Variants in SOX5 observed in about 807,000 individuals in gnomAD.
The protein encoded by SOX5 is SRY-box transcription factor 5, also known as transcription factor SOX-5.
Under a neutral mutation model 92.0 loss-of-function variants are expected in SOX5, and 9 were observed. The ratio of observed to expected loss-of-function variants is 0.10; its 90% CI spans 0.06 to 0.17. The LOEUF (loss-of-function observed/expected upper bound fraction) is 0.17, where lower values mean the gene tolerates loss of function less well. Ranked by LOEUF, SOX5 falls within the 10% of genes least tolerant of loss-of-function variation. SOX5 has a pLI of 1.00. For missense variants in SOX5, 642 were observed against 944.5 expected (o/e 0.68, Z 4.20); for synonymous variants, 344 against 336.3 (o/e 1.02, Z -0.25).
At chr12:23,687,744 G>C (rs1292277692) in intron 6 of SOX5, among the ~76,000 whole-genome samples, 1 of 151,814 alleles carries the variant, frequency 6.6e-6, no homozygotes, top group East Asian at 1.9e-4. Flanking sequence ...TGAATAATGA[G>C]CTCAATCTAT....
intron 6 of SOX5, among the ~76,000 whole-genome samples, chr12:23,691,731 T>C (rs1311354159): frequency 6.6e-6 from 1 of 152,200 alleles, no homozygotes; most frequent in Non-Finnish European, 1.5e-5. Flanking sequence ...TTATTCTTTG[T>C]ATTATGTGTG....
At chr12:24,115,980 A>G (rs1416985478) in intron 4 of SOX5, among the ~76,000 whole-genome samples, 1 of 152,200 alleles carries the variant, frequency 6.6e-6, no homozygotes, top group Non-Finnish European at 1.5e-5. Flanking sequence ...AGAATAGAAC[A>G]TGAAGAGACA....
intron 5 of SOX5, among the ~76,000 whole-genome samples, chr12:23,737,687 C>G (rs1477986898): frequency 5.3e-5 from 8 of 152,148 alleles, no homozygotes; most frequent in Non-Finnish European, 1.2e-4. Context: ...CATCTCATCC[C>G]CTATCACCTC....
chr12:23,568,250 T>G (rs10842182), intron 10 of SOX5, among the ~76,000 whole-genome samples: 143,578 of 152,206 alleles, frequency 0.94, 68,288 homozygotes, highest in East Asian at 1. Context: ...TCAGCAGTAT[T>G]GAGGCATGGA....
At chr12:23,769,102 T>C (rs1480595302) in intron 3 of SOX5, among the ~76,000 whole-genome samples, 1 of 152,010 alleles carries the variant, frequency 6.6e-6, no homozygotes, top group Non-Finnish European at 1.5e-5. Flanking sequence ...TTTTCTCTCT[T>C]GTTTTTTCCT....
intron 4 of SOX5, among the ~76,000 whole-genome samples, chr12:24,124,885 G>A (rs1046237342): frequency 2.0e-5 from 3 of 152,120 alleles, no homozygotes; most frequent in African/African-American, 4.8e-5. Context: ...AGATACATTC[G>A]TGTGTAAAAC....
At chr12:24,321,729 G>A (rs981129449) in intron 2 of SOX5, among the ~76,000 whole-genome samples, 4 of 152,126 alleles carry the variant, frequency 2.6e-5, no homozygotes, top group Non-Finnish European at 5.9e-5. Flanking sequence ...GCATTTTTAG[G>A]ATTACTATAA....
intron 9 of SOX5, among the ~76,000 whole-genome samples, chr12:23,593,878 G>A (rs1157041013): frequency 6.6e-6 from 1 of 151,762 alleles, no homozygotes; most frequent in Non-Finnish European, 1.5e-5. Context: ...GAGAGAGAGA[G>A]GGAAGTGGGA....
intron 6 of SOX5, among the ~76,000 whole-genome samples, chr12:23,703,413 GAAACATTC>G (rs1329851610): frequency 6.6e-6 from 1 of 151,892 alleles, no homozygotes; most frequent in East Asian, 1.9e-4. Flanking sequence ...TACTTTCTTG[GAAACATTC>G]AAACAGGCAG....
intron 4 of SOX5, among the ~76,000 whole-genome samples, chr12:24,037,740 T>C (rs75044343): frequency 0.023 from 3,521 of 152,304 alleles, 139 homozygotes; most frequent in African/African-American, 0.081. Flanking sequence ...CTCATACACA[T>C]CTACAAATAC....
At chr12:23,979,244 G>A (rs28479007) in intron 4 of SOX5, among the ~76,000 whole-genome samples, 2,293 of 152,128 alleles carry the variant, frequency 0.015, 57 homozygotes, top group African/African-American at 0.053. Flanking sequence ...TTGTCTTTGA[G>A]ACAGAGTCTT....
At chr12:24,529,816 G>A (rs796571641) in intron 1 of SOX5, among the ~76,000 whole-genome samples, 3 of 152,226 alleles carry the variant, frequency 2.0e-5, no homozygotes, top group African/African-American at 4.8e-5. Context: ...TCAGGAGATC[G>A]AGATCATCCT....
rs558403717 is a variant in SOX5, at chr12:24,391,862, G to A, written c.-250-23223C>T. 2.6e-5 allele frequency among the ~76,000 whole-genome samples: 4 copies of A among 152,144 alleles called. No individual in the cohort carries two copies. The East Asian group carries it at 7.7e-4, about 29-fold the overall frequency. ...ACGTTTCCTTCATTTTAAATTCAGG[G>A]TAACATTTACTCAACTTGAGTCTCT... On this transcript the variant is annotated intron_variant, in intron 1 of 4. Transcript: ENST00000446891.
intron 1 of SOX5, among the ~76,000 whole-genome samples, chr12:24,516,482 T>C (rs982893720): frequency 6.6e-6 from 1 of 152,154 alleles, no homozygotes; most frequent in Non-Finnish European, 1.5e-5. Flanking sequence ...TAAATATTAG[T>C]GGTATGAATG....
intron 4 of SOX5, among the ~76,000 whole-genome samples, chr12:24,177,188 G>A (rs1267254303): frequency 6.6e-6 from 1 of 152,102 alleles, no homozygotes; most frequent in Non-Finnish European, 1.5e-5. Flanking sequence ...CATAATTAGG[G>A]AGGTGCTATT....
rs765000530 is a variant in SOX5, at chr12:23,546,341, A to G, written c.1572T>C (p.Asp524=). 6 of 1,594,274 alleles carry G rather than the reference A, an allele frequency of 3.8e-6. No individual in the cohort carries two copies. The highest frequency in any genetic ancestry group is 5.2e-6 in the Non-Finnish European group (6 of 1,162,526). ...EEGKFSHAMM[D]FNLSGDSDGS... The stretch of plus-strand genomic sequence containing the variant: ...CATCAGAATCTCCACTCAGATTGAA[A>G]TCCATCATTGCATGGCTAAATTTTC... The change falls in exon 12 of 15, where the codon GAT becomes GAC. Residue 524 remains aspartate (D), a synonymous_variant. Transcript: ENST00000451604.
chr12:24,048,404 A>G (rs963401440), intron 4 of SOX5, among the ~76,000 whole-genome samples: 1 of 152,228 alleles, frequency 6.6e-6, no homozygotes, highest in Non-Finnish European at 1.5e-5. Flanking sequence ...TACAAAATAA[A>G]GAGTTATAAA....
rs1453804062 is a variant in SOX5 at position 23,996,886 on chromosome 12, C to T, written c.-1-100862G>A. On this transcript the variant is annotated intron_variant, in intron 4 of 4. Transcript: ENST00000446891. ...TTCTTTTGAGGTGATGAAACTATTT[C>T]GGAACTACACAGAAGTGATTGTACA... is the stretch of plus-strand genomic sequence containing the variant. Among the ~76,000 whole-genome samples, 4 of 152,048 alleles carry T rather than the reference C, an allele frequency of 2.6e-5. 1 individual carries two copies. The highest frequency in any genetic ancestry group is 4.1e-4 in the South Asian group (2 of 4,820).
Position 24,170,160 on chromosome 12 carries a change from G to C in SOX5, c.-2+43183C>G, listed in dbSNP as rs201064503. On this transcript the variant is annotated intron_variant, in intron 4 of 4. Transcript: ENST00000446891. ...AGGGAAAGACAAAAATGAAATAAAA[G>C]AGTGGTTTCACAGCGTTCAGGAGGA... 9.3e-5 allele frequency among the ~76,000 whole-genome samples: 14 copies of C among 149,950 alleles called. No homozygotes were observed. The East Asian group carries it at 2.7e-3, about 29-fold the overall frequency.
Sources: allele counts gnomAD v4.1 joint callset (sites outside exome capture counted in the v4.1 genomes callset), GRCh38; gene constraint gnomAD v4.1.1; transcripts MANE v1.5; gene names NCBI Gene and HGNC (gene_info 2026-07-23, HGNC 2026-07-21).